PARVA: variants seen among roughly 807,000 people sequenced by gnomAD.
PARVA encodes parvin alpha.
PARVA carries 25 observed loss-of-function variants against 52.6 expected under a neutral mutation model. The observed-to-expected ratio is 0.48, with a 90% CI of 0.35 to 0.66. The LOEUF (loss-of-function observed/expected upper bound fraction) is 0.66, where lower values mean the gene tolerates loss of function less well. Among genes scored for constraint, PARVA ranks in the 30% least tolerant of loss-of-function variants. The pLI is 0.01. For synonymous variants in PARVA, 185 were observed against 179.1 expected, an observed-to-expected ratio of 1.03 and a Z score of -0.26; for missense variants, 373 against 450.9, an observed-to-expected ratio of 0.83 and a Z score of 1.56.
At chr11:12,451,341 G>A (rs78130619) in intron 1 of PARVA, among the ~76,000 whole-genome samples, 207 of 152,200 alleles carry the variant, frequency 1.4e-3, no homozygotes, top group Non-Finnish European at 2.6e-3. Flanking sequence ...AGGCACCTTC[G>A]AAAGCCTTAT....
chr11:12,518,212 T>A (rs871939), intron 11 of PARVA, among the ~76,000 whole-genome samples: 1 of 152,030 alleles, frequency 6.6e-6, no homozygotes, highest in Non-Finnish European at 1.5e-5. Context: ...AGGAACACAG[T>A]AGGATATGAA....
chr11:12,391,595 C>T (rs10734195), intron 1 of PARVA, among the ~76,000 whole-genome samples: 76,380 of 152,068 alleles, frequency 0.5, 21,283 homozygotes, highest in African/African-American at 0.74. Flanking sequence ...TGAGTGTGGA[C>T]GACAATTTCA....
chr11:12,396,075 T>C (rs1939740099), intron 1 of PARVA, among the ~76,000 whole-genome samples: 1 of 152,190 alleles, frequency 6.6e-6, no homozygotes, highest in South Asian at 2.1e-4. Flanking sequence ...TTATATCACA[T>C]TTAATCCTTA....
chr11:12,397,731 G>T (rs942095824), intron 1 of PARVA, among the ~76,000 whole-genome samples: 1 of 151,958 alleles, frequency 6.6e-6, no homozygotes, highest in Admixed American at 6.5e-5. Flanking sequence ...GTTCAGACAG[G>T]ATGTTTTGGA....
At chr11:12,515,536 A>G (rs527321221) in intron 10 of PARVA, among the ~76,000 whole-genome samples, 1 of 152,300 alleles carries the variant, frequency 6.6e-6, no homozygotes, top group South Asian at 2.1e-4. Context: ...AGTTTTATCT[A>G]CTATTCCTAC....
At chr11:12,472,334 G>A (rs1940945417) in intron 1 of PARVA, among the ~76,000 whole-genome samples, 2 of 152,212 alleles carry the variant, frequency 1.3e-5, no homozygotes, top group Admixed American at 6.5e-5. Flanking sequence ...GCTGTGGGTT[G>A]GACAAGCTTG....
At chr11:12,482,035 G>A (rs1287352289) in intron 4 of PARVA, among the ~76,000 whole-genome samples, 4 of 151,664 alleles carry the variant, frequency 2.6e-5, no homozygotes, top group Admixed American at 6.6e-5. Context: ...CGGGCATGGT[G>A]GTGCATGCTA....
chr11:12,430,904 C>T (rs1184807956), intron 1 of PARVA, among the ~76,000 whole-genome samples: 5 of 152,302 alleles, frequency 3.3e-5, no homozygotes, highest in Non-Finnish European at 5.9e-5. Flanking sequence ...CAAAGAGACA[C>T]GATTCCTAAT....
chr11:12,415,854 GC>G (rs1334428583), intron 1 of PARVA, among the ~76,000 whole-genome samples: 6 of 152,150 alleles, frequency 3.9e-5, no homozygotes, highest in South Asian at 2.1e-4. Context: ...TAAAGATGAA[GC>G]CTTGTAATTG....
chr11:12,392,097 AAATGGAATAATATATATTATTATAAT>A (rs1425627128), intron 1 of PARVA, among the ~76,000 whole-genome samples: 1 of 152,040 alleles, frequency 6.6e-6, no homozygotes, highest in Non-Finnish European at 1.5e-5. Context: ...CATTCCATGT[AAATGGAATAATATATATTATTATAAT>A]AATGGAATAA....
chr11:12,506,759 A>G (rs1170960552), intron 6 of PARVA, among the ~76,000 whole-genome samples: 1 of 152,230 alleles, frequency 6.6e-6, no homozygotes, highest in African/African-American at 2.4e-5. Context: ...CAGAAGCAAG[A>G]CTCAGAATTG....
intron 4 of PARVA, among the ~76,000 whole-genome samples, chr11:12,485,921 G>C (rs1217266222): frequency 6.6e-6 from 1 of 152,128 alleles, no homozygotes; most frequent in African/African-American, 2.4e-5. Flanking sequence ...AAACTGTCAA[G>C]GTCATGGTAA....
At chr11:12,424,203 G>C (rs1266201629) in intron 1 of PARVA, among the ~76,000 whole-genome samples, 1 of 151,864 alleles carries the variant, frequency 6.6e-6, no homozygotes, top group Non-Finnish European at 1.5e-5. Flanking sequence ...GTTGTGAATA[G>C]CACCATTTTT....
At chr11:12,466,432 A>C (rs1589968320) in intron 1 of PARVA, among the ~76,000 whole-genome samples, 1 of 151,022 alleles carries the variant, frequency 6.6e-6, no homozygotes, top group African/African-American at 2.4e-5. Context: ...TCAGCCTCCC[A>C]AGTAGCTGGG....
At chr11:12,506,809 G>C (rs1392224201) in intron 6 of PARVA, among the ~76,000 whole-genome samples, 1 of 152,236 alleles carries the variant, frequency 6.6e-6, no homozygotes, top group Non-Finnish European at 1.5e-5. Context: ...GAACTCTTTA[G>C]GGAACAAATA....
At chr11:12,510,831 A>T (rs891401878) in intron 7 of PARVA, among the ~76,000 whole-genome samples, 1 of 152,162 alleles carries the variant, frequency 6.6e-6, no homozygotes, top group Non-Finnish European at 1.5e-5. Context: ...ATTCTGGGAG[A>T]TACAGTTCAA....
At chr11:12,526,758 C>T (rs1941707256) in intron 12 of PARVA, among the ~76,000 whole-genome samples, 2 of 151,982 alleles carry the variant, frequency 1.3e-5, no homozygotes, top group Admixed American at 6.6e-5. Context: ...CAATAGTAGA[C>T]GGAGTTCCAT....
intron 1 of PARVA, among the ~76,000 whole-genome samples, chr11:12,442,967 T>G (rs931370014): frequency 1.3e-5 from 2 of 150,544 alleles, no homozygotes; most frequent in African/African-American, 4.9e-5. Flanking sequence ...GTTCACGCCA[T>G]TCTCCTGCCT....
chr11:12,458,834 A>C (rs1297021291), intron 1 of PARVA, among the ~76,000 whole-genome samples: 5 of 152,176 alleles, frequency 3.3e-5, no homozygotes, highest in African/African-American at 1.2e-4. Context: ...AACTAGTGGG[A>C]AAGTCGCCTT....
Sources: gnomAD v4.1 joint callset for allele counts (sites outside exome capture counted in the v4.1 genomes callset) on GRCh38, gnomAD v4.1.1 for gene constraint, MANE v1.5 for transcripts, NCBI Gene and HGNC (gene_info 2026-07-23, HGNC 2026-07-21) for gene names.